TNFRSF1B: variants seen among roughly 807,000 people sequenced by gnomAD.
TNFRSF1B encodes the protein tumor necrosis factor receptor superfamily member 1B.
In TNFRSF1B, 19 loss-of-function variants were observed where a neutral mutation model predicts 44.6. That is an observed-to-expected ratio of 0.43 (90% CI 0.30 to 0.62). The LOEUF is 0.62. Ranked by LOEUF, TNFRSF1B falls within the 20% of genes least tolerant of loss-of-function variation. TNFRSF1B has a pLI of 0.16. For missense variants in TNFRSF1B, 541 were observed against 619.9 expected, an observed-to-expected ratio of 0.87 and a Z score of 1.35; for synonymous variants, 252 against 261.1, an observed-to-expected ratio of 0.97 and a Z score of 0.34.
chr1:12,193,335 G>A (rs1380930855), intron 6 of TNFRSF1B, among the ~76,000 whole-genome samples: 2 of 152,218 alleles, frequency 1.3e-5, no homozygotes, highest in African/African-American at 4.8e-5. Context: ...TGCTTTGGGA[G>A]GCCAAGGAGG....
At chr1:12,197,239 C>T (rs772556217) in intron 8 of TNFRSF1B, among the ~76,000 whole-genome samples, 1 of 152,190 alleles carries the variant, frequency 6.6e-6, no homozygotes, top group Non-Finnish European at 1.5e-5. Context: ...TAAGCCACCA[C>T]GCCTGGCCCC....
At chr1:12,184,927 G>A (rs916422453) in intron 1 of TNFRSF1B, among the ~76,000 whole-genome samples, 1 of 152,198 alleles carries the variant, frequency 6.6e-6, no homozygotes, top group African/African-American at 2.4e-5. Context: ...AAGAGGTGCA[G>A]CCCCTGCCTG....
rs531781481 is a variant in TNFRSF1B, at chr1:12,178,137, C to T, written c.79-10659C>T. 6.6e-6 allele frequency among the ~76,000 whole-genome samples: 1 copy of T among 152,330 alleles called. No individual in the cohort carries two copies. The highest frequency in any genetic ancestry group is 2.4e-5 in the African/African-American group (1 of 41,580). ...ACTCAGTCTGCTGCTCTGAGGACGC[C>T]GCCCCCTCTCTTTGTAAGTCCATTT... On this transcript the variant is annotated intron_variant, in intron 1 of 9. Coordinates refer to ENST00000376259, the MANE Select transcript of TNFRSF1B (RefSeq NM_001066.3). The surrounding 1 kb of genome is among the most constrained non-coding windows in gnomAD (Gnocchi z 4.3).
Position 12,198,196 on chromosome 1 carries a change from C to T in TNFRSF1B, c.900+3578C>T, listed in dbSNP as rs565510416. Among the ~76,000 whole-genome samples, 5 of 151,810 alleles carry T rather than the reference C, an allele frequency of 3.3e-5. No homozygotes were observed. The South Asian group carries it at 6.3e-4, about 19-fold the overall frequency. ...CCATGGACACGGACACACTCATGCA[C>T]GGACCCACGTCTGATAACAGGTGCG... On this transcript the variant is annotated intron_variant, in intron 8 of 9. Coordinates refer to ENST00000376259, the MANE Select transcript of TNFRSF1B (RefSeq NM_001066.3).
chr1:12,192,087 A>T (rs901570828), intron 4 of TNFRSF1B, among the ~76,000 whole-genome samples, 164 bp downstream of exon 4: 7 of 152,196 alleles, frequency 4.6e-5, no homozygotes, highest in African/African-American at 9.6e-5. Flanking sequence ...TCCACCGTTC[A>T]TTCTTCCTGC....
At chr1:12,183,789 C>G (rs567775463) in intron 1 of TNFRSF1B, among the ~76,000 whole-genome samples, 10,225 of 122,584 alleles carry the variant, frequency 0.083, 642 homozygotes, top group Non-Finnish European at 0.12. Context: ...TATCTACCTA[C>G]CTATCTATCT....
At chr1:12,200,419 C>T (rs530690661) in intron 8 of TNFRSF1B, among the ~76,000 whole-genome samples, 1 of 152,072 alleles carries the variant, frequency 6.6e-6, no homozygotes, top group Admixed American at 6.5e-5. Context: ...AAGGTCTGCA[C>T]GCTTTCTCTG....
chr1:12,197,419 A>C (rs1639289847), intron 8 of TNFRSF1B, among the ~76,000 whole-genome samples: 1 of 152,200 alleles, frequency 6.6e-6, no homozygotes, highest in Non-Finnish European at 1.5e-5. Flanking sequence ...CCAACTCCCA[A>C]GACCTTCCTG....
At chr1:12,201,929 G>T in intron 8 of TNFRSF1B, 38 bp from the exon 9 acceptor site, 1 of 1,541,982 alleles carries the variant, frequency 6.5e-7, no homozygotes, top group South Asian at 1.2e-5. Flanking sequence ...CTGGCTGGTG[G>T]GCTGACTGCT....
At chr1:12,192,302 GT>G in intron 4 of TNFRSF1B, 128 bp from the exon 5 acceptor site, 1 of 738,980 alleles carries the variant, frequency 1.4e-6, no homozygotes, top group Non-Finnish European at 2.4e-6. Context: ...GTGTGTGTGT[GT>G]GTGTAAGGGG....
rs748139146 is a variant in TNFRSF1B, at chr1:12,178,573, G to T, written c.79-10223G>T. The stretch of plus-strand genomic sequence containing the variant: ...ACTGGTCGGGTGTGGGCAGTATAGA[G>T]ATGCACCCGGGTTGTCACAGGAGCC... On this transcript the variant is annotated intron_variant, in intron 1 of 9. Transcript: ENST00000376259. This position sits in a 1 kb window ranked among gnomAD's most constrained non-coding sequence, Gnocchi z 4.3. Among the ~76,000 whole-genome samples, 6 of 152,168 alleles carry T rather than the reference G, an allele frequency of 3.9e-5. No homozygotes were observed. The highest frequency in any genetic ancestry group is 1.3e-4 in the Admixed American group (2 of 15,278).
rs1409897368 is a variant in TNFRSF1B at position 12,206,908 on chromosome 1, A to G, written c.1274A>G (p.Lys425Arg). The G allele has an allele frequency of 6.2e-7, 1 of 1,614,110 alleles. No individual in the cohort carries two copies. The highest frequency in any genetic ancestry group is 8.5e-7 in the Non-Finnish European group (1 of 1,180,028). The part of the protein sequence containing the change: ...SPKDEQVPFS[K>R]EECAFRSQLE... ...AAGGACGAGCAGGTCCCCTTCTCCAAGGAGGAATGTGCCTTTCGGTCACAG... is the reference window on the plus strand; with the variant it reads ...AAGGACGAGCAGGTCCCCTTCTCCAGGGAGGAATGTGCCTTTCGGTCACAG... Residue 425 changes from lysine to arginine, a missense_variant, in exon 10 of 10, where the codon AAG becomes AGG. By Grantham distance (26) the Lys-to-Arg change is conservative (BLOSUM62 2). Coordinates refer to ENST00000376259, the MANE Select transcript of TNFRSF1B (RefSeq NM_001066.3).
chr1:12,202,235 G>A (rs1278939829), intron 9 of TNFRSF1B, 64 bp downstream of exon 9: 33 of 1,522,866 alleles, frequency 2.2e-5, no homozygotes, highest in Non-Finnish European at 2.9e-5. Context: ...CCTGGTTTCT[G>A]TCTTAGCCAT....
intron 3 of TNFRSF1B, 73 bp from the exon 4 acceptor site, chr1:12,191,701 T>A (rs1449601848): frequency 2.5e-6 from 4 of 1,590,658 alleles, no homozygotes; most frequent in Non-Finnish European, 2.6e-6. Context: ...CTGAGAGTGC[T>A]GGGCTGTCTG....
intron 1 of TNFRSF1B, among the ~76,000 whole-genome samples, chr1:12,183,829 A>ACCTATCTG (rs1557629498): frequency 3.4e-5 from 5 of 148,000 alleles, no homozygotes; most frequent in African/African-American, 1.2e-4. Flanking sequence ...CTATCTACCT[A>ACCTATCTG]TCTATCTATC....
intron 1 of TNFRSF1B, among the ~76,000 whole-genome samples, chr1:12,183,739 A>AT (rs1270495184): frequency 4.6e-4 from 57 of 124,190 alleles, no homozygotes; most frequent in Middle Eastern, 4.8e-3. Context: ...CTATCTATCT[A>AT]TCTATCTATC....
rs753474369 is a variant in TNFRSF1B, at chr1:12,201,947, A to G, written c.901-20A>G. The stretch of plus-strand genomic sequence containing the variant: ...GCTGGTGGGCTGACTGCTCTCCCCT[A>G]CCACCCCCTGCCCATCCAGCCTCAC... On this transcript the variant is annotated intron_variant, in intron 8 of 9. Transcript: ENST00000376259. 3 of 1,584,828 alleles carry G rather than the reference A, an allele frequency of 1.9e-6. No homozygotes were observed. Among genetic ancestry groups the G allele is most frequent in the Non-Finnish European group, 2.6e-6 (3 of 1,163,740 alleles).
intron 9 of TNFRSF1B, among the ~76,000 whole-genome samples, chr1:12,203,862 C>T (rs235220): frequency 0.17 from 25,970 of 152,184 alleles, 2,324 homozygotes; most frequent in Middle Eastern, 0.22. Context: ...CCCGAGTAGG[C>T]GGGATTACAG....
chr1:12,195,645 C>G (rs551523465), intron 8 of TNFRSF1B, among the ~76,000 whole-genome samples: 1 of 152,014 alleles, frequency 6.6e-6, no homozygotes, highest in Non-Finnish European at 1.5e-5. Flanking sequence ...CCCCTAGCTG[C>G]GAGGGAAGCT....
Sources: gnomAD v4.1 joint callset for allele counts (sites outside exome capture counted in the v4.1 genomes callset) on GRCh38, gnomAD v4.1.1 for gene constraint, Gnocchi (gnomAD v3.1) non-coding constraint, MANE v1.5 for transcripts, NCBI Gene and HGNC (gene_info 2026-07-23, HGNC 2026-07-21) for gene names.